The following TTR variants were observed in gnomAD, a reference collection of about 807,000 sequenced individuals.
TTR encodes the protein epididymis luminal protein 111.
A neutral mutation model predicts 13.7 loss-of-function variants in TTR; 8 were observed. The observed-to-expected ratio is 0.58, with a 90% CI of 0.34 to 1.05. The LOEUF (loss-of-function observed/expected upper bound fraction) is 1.05. Ranked by LOEUF, TTR falls within the 50% of genes least tolerant of loss-of-function variation. The probability of loss-of-function intolerance (pLI) is 0.02; values close to 1 mark genes in which losing one functional copy is unlikely to be tolerated. For synonymous variants in TTR, 75 were observed against 71.7 expected (o/e 1.05, Z -0.23); for missense variants, 135 against 185.5 (o/e 0.73, Z 1.58).
chr18:31,598,399 CT>C lies in TTR; in HGVS notation c.337-167del, dbSNP rs2073527064. On this transcript the variant is annotated intron_variant, in intron 3 of 3. Transcript: ENST00000237014. The stretch of plus-strand genomic sequence containing the variant: ...TAAGGACTGTGCATGGTTCCAAAGG[CT>C]TAGCTTGCCAGCATATTTGAGCTTT... The C allele has an allele frequency of 5.4e-6, 4 of 747,020 alleles. No homozygotes were observed. The Admixed American group carries it at 6.0e-5, about 11-fold the overall frequency. The allele number at this position is 747,020 out of a possible 1,614,324, so 46.3% of individuals were successfully genotyped here.
At position 31,595,168 on chromosome 18, in the gene TTR, A is replaced by C; in HGVS notation, c.249A>C (p.Glu83Asp). The C allele has an allele frequency of 6.2e-7, 1 of 1,614,166 alleles. No individual in the cohort carries two copies. ...TGCATGGGCTCACAACTGAGGAGGA[A>C]TTTGTAGAAGGGATATACAAAGTGG... ...GELHGLTTEE[E>D]FVEGIYKVEI... is the part of the protein sequence containing the mutation. Residue 83 changes from glutamate to aspartate, a missense_variant, in exon 3 of 4, where the codon GAA becomes GAC. Transcript: ENST00000237014.
At chr18:31,596,577 A>C (rs2073517714) in intron 3 of TTR, among the ~76,000 whole-genome samples, 1 of 152,156 alleles carries the variant, frequency 6.6e-6, no homozygotes. Flanking sequence ...CCATATAAAA[A>C]GGTTCACTGA....
intron 3 of TTR, among the ~76,000 whole-genome samples, chr18:31,596,868 A>G (rs1382579535): frequency 6.6e-6 from 1 of 152,152 alleles, no homozygotes; most frequent in Non-Finnish European, 1.5e-5. Context: ...GATGAGTCCC[A>G]ATGCCTCACT....
chr18:31,593,044 C>G lies in TTR; in HGVS notation c.200+18C>G. 1.2e-6 allele frequency: 2 copies of G among 1,613,358 alleles called. No homozygotes were observed. The highest frequency in any genetic ancestry group is 4.5e-5 in the East Asian group (2 of 44,830). Reference sequence around the variant, plus strand: ...GCCTCTGGGTAAGTTGCCAAAGAACCCTCCCACAGGACTTGGTTTTATCTT... The same window carrying G: ...GCCTCTGGGTAAGTTGCCAAAGAACGCTCCCACAGGACTTGGTTTTATCTT... On this transcript the variant is annotated intron_variant, in intron 2 of 3. Transcript: ENST00000237014.
At position 31,598,776 on chromosome 18, in the gene TTR, T is replaced by C. The variant is rs893798058; in HGVS notation, c.*101T>C. 1.5e-5 allele frequency: 18 copies of C among 1,193,766 alleles called. No homozygotes were observed. Among genetic ancestry groups the C allele is most frequent in the Non-Finnish European group, 1.8e-5 (15 of 821,074 alleles). 73.9% of individuals were successfully genotyped at this position (1,193,766 alleles called of 1,614,324 possible). A position where few individuals can be genotyped will look rare whatever the true frequency, so the allele number is the denominator to read the frequency against. ...AGCAGTGTTTTCACCTCATATGCTA[T>C]GTTAGAAGTCCAGGCAGAGACAATA... is the stretch of plus-strand genomic sequence containing the variant. On this transcript the variant is annotated 3_prime_UTR_variant, in exon 4 of 4. Transcript: ENST00000237014.
At chr18:31,597,929 T>C (rs2073524757) in intron 3 of TTR, 1 of 177,582 alleles carries the variant, frequency 5.6e-6, no homozygotes, top group African/African-American at 2.4e-5. Context: ...GTATTGTAAA[T>C]AGAGCCCTGT....
chr18:31,593,120 A>AT (rs2073495343), intron 2 of TTR, 94 bp downstream of exon 2: 1 of 1,580,496 alleles, frequency 6.3e-7, no homozygotes, highest in African/African-American at 1.3e-5. Context: ...CTGCTAAAGA[A>AT]TTTACAAGTA....
chr18:31,595,515 T>A, intron 3 of TTR: 1 of 592,028 alleles, frequency 1.7e-6, no homozygotes, highest in Non-Finnish European at 3.1e-6. Flanking sequence ...TTCCACTTTA[T>A]ATGAATATTG....
Position 31,592,967 on chromosome 18 carries a change from T to C in TTR, c.141T>C (p.Asn47=), listed in dbSNP as rs1252826226. Reference sequence around the variant, plus strand: ...CTGTCCGAGGCAGTCCTGCCATCAATGTGGCCGTGCATGTGTTCAGAAAGG... The same window carrying C: ...CTGTCCGAGGCAGTCCTGCCATCAACGTGGCCGTGCATGTGTTCAGAAAGG... ...LDAVRGSPAI[N]VAVHVFRKAA... The change falls in exon 2 of 4, where the codon AAT becomes AAC. Residue 47 remains asparagine (N), a synonymous_variant. Transcript: ENST00000237014. The C allele has an allele frequency of 1.9e-6, 3 of 1,614,162 alleles. No individual in the cohort carries two copies. Among genetic ancestry groups the C allele is most frequent in the Non-Finnish European group, 2.5e-6 (3 of 1,180,000 alleles).
Position 31,598,658 on chromosome 18 carries a change from A to T in TTR, c.427A>T (p.Thr143Ser). 1 of 1,614,164 alleles carries T rather than the reference A, an allele frequency of 6.2e-7. No homozygotes were observed. The highest frequency in any genetic ancestry group is 2.2e-5 in the East Asian group (1 of 44,878). The stretch of plus-strand genomic sequence containing the variant: ...CTCCTATTCCACCACGGCTGTCGTC[A>T]CCAATCCCAAGGAATGAGGGACTTC... ...PYSYSTTAVV[T>S]NPKE Residue 143 changes from threonine (T) to serine (S), a missense_variant, in exon 4 of 4, where the codon ACC becomes TCC. By Grantham distance (58) the Thr-to-Ser change is moderately conservative. Transcript: ENST00000237014.
intron 3 of TTR, among the ~76,000 whole-genome samples, chr18:31,596,440 G>A (rs187568077): frequency 4.4e-4 from 67 of 152,202 alleles, no homozygotes; most frequent in African/African-American, 1.6e-3. Context: ...GTCAGGGCAG[G>A]AGCAGGGTTT....
intron 2 of TTR, among the ~76,000 whole-genome samples, chr18:31,594,469 G>A (rs540592577): frequency 5.8e-4 from 89 of 152,330 alleles, no homozygotes; most frequent in African/African-American, 2.0e-3. Flanking sequence ...ACAAGGGAGA[G>A]GAGCGAGATC....
At chr18:31,598,446 C>A (rs1193667255) in intron 3 of TTR, 122 bp from the exon 4 acceptor site, 1 of 1,006,198 alleles carries the variant, frequency 9.9e-7, no homozygotes, top group South Asian at 1.4e-5. Context: ...TCAAACTGTT[C>A]CAAAATATAA....
rs188332538 is a variant in TTR, at chr18:31,593,479, G to A, written c.200+453G>A. Reference sequence around the variant, plus strand: ...TTAGAATTTTAGGAAAAGGTATAATGTGTATTAACCCATTAACAAAAGGAA... The same window carrying A: ...TTAGAATTTTAGGAAAAGGTATAATATGTATTAACCCATTAACAAAAGGAA... On this transcript the variant is annotated intron_variant, in intron 2 of 3. Coordinates refer to ENST00000237014, the MANE Select transcript of TTR (RefSeq NM_000371.4). The A allele has an allele frequency of 1.9e-3, 472 of 242,258 alleles. 8 individuals carry two copies. In the Admixed American group the frequency reaches 0.023, roughly 12 times the overall value. 15.0% of individuals were successfully genotyped at this position (242,258 alleles called of 1,614,324 possible).
At chr18:31,596,378 C>A (rs2073516716) in intron 3 of TTR, among the ~76,000 whole-genome samples, 1 of 152,118 alleles carries the variant, frequency 6.6e-6, no homozygotes, top group South Asian at 2.1e-4. Context: ...CCCCATCTAC[C>A]AAGGAGCATG....
chr18:31,598,472 T>C (rs2073527464), intron 3 of TTR, 96 bp from the exon 4 acceptor site: 1 of 1,151,658 alleles, frequency 8.7e-7, no homozygotes, highest in Admixed American at 1.8e-5. Context: ...TAAAATTAAT[T>C]AAGTTGGCAC....
At chr18:31,593,135 G>A in intron 2 of TTR, 109 bp downstream of exon 2, 1 of 1,547,710 alleles carries the variant, frequency 6.5e-7, no homozygotes, top group Admixed American at 1.7e-5. Context: ...CAAGTAGATT[G>A]AAAAACGTAG....
chr18:31,593,609 G>A (rs1295055271), intron 2 of TTR: 1 of 154,770 alleles, frequency 6.5e-6, no homozygotes, highest in Admixed American at 6.3e-5. Context: ...CCTACTGTGT[G>A]CAAGGCTGGG....
At chr18:31,597,592 G>A (rs1013724719) in intron 3 of TTR, among the ~76,000 whole-genome samples, 1 of 151,952 alleles carries the variant, frequency 6.6e-6, no homozygotes, top group East Asian at 1.9e-4. Context: ...TAAGTAATCC[G>A]GGTTTCTTTT....
Sources: allele counts gnomAD v4.1 joint callset (sites outside exome capture counted in the v4.1 genomes callset), GRCh38; gene constraint gnomAD v4.1.1; transcripts MANE v1.5; gene names NCBI Gene and HGNC (gene_info 2026-07-23, HGNC 2026-07-21).